DIDO1: variants seen among roughly 807,000 people sequenced by gnomAD.
DIDO1 encodes death inducer-obliterator 1.
Under a neutral mutation model 99.4 loss-of-function variants are expected in DIDO1, and 16 were observed. That is an observed-to-expected ratio of 0.16 (90% CI 0.11 to 0.24). The LOEUF (loss-of-function observed/expected upper bound fraction) is 0.24. DIDO1 is among the 10% of genes least tolerant of loss of function. The pLI is 1.00. For synonymous variants in DIDO1, 1,366 were observed against 1,239.1 expected, an observed-to-expected ratio of 1.10 and a Z score of -2.15; for missense variants, 2,996 against 3,014.0, an observed-to-expected ratio of 0.99 and a Z score of 0.14.
At chr20:62,892,362 G>C (rs951554650) in intron 13 of DIDO1, among the ~76,000 whole-genome samples, 1 of 152,188 alleles carries the variant, frequency 6.6e-6, no homozygotes, top group Non-Finnish European at 1.5e-5. Flanking sequence ...GATTCACTAT[G>C]AGCCAGGGTG....
intron 4 of DIDO1, among the ~76,000 whole-genome samples, chr20:62,908,277 G>A (rs916725870): frequency 3.6e-4 from 55 of 152,126 alleles, no homozygotes; most frequent in Admixed American, 3.1e-3. Context: ...CACAGCACCC[G>A]GCCAGACACA....
In DIDO1 at chr20:62,883,629, A is replaced by G. The variant is rs1042315438; in HGVS notation, c.3542-1215T>C. On this transcript the variant is annotated intron_variant, in intron 15 of 15. Transcript: ENST00000395343. ...ATCATGAGGTCAAGAGATCAAGACC[A>G]TCCTGGCCAACATGGTGAAACCCCG... Among the ~76,000 whole-genome samples the G allele has an allele frequency of 1.1e-4, 16 of 152,220 alleles. 1 individual carries two copies. Among genetic ancestry groups the G allele is most frequent in the Admixed American group, 6.5e-5 (1 of 15,288 alleles).
At chr20:62,921,909 T>C (rs1207866479) in intron 1 of DIDO1, among the ~76,000 whole-genome samples, 3 of 149,520 alleles carry the variant, frequency 2.0e-5, no homozygotes, top group Admixed American at 6.7e-5. Flanking sequence ...ATATCCACAA[T>C]ATATATACAC....
At position 62,878,971 on chromosome 20, in the gene DIDO1, G is replaced by C. The variant is rs1488257039; in HGVS notation, c.*262C>G. Reference sequence around the variant, plus strand: ...TAAAGTTATTGGAAAAGATAACTATGATCTGAAAAGCAATATGCTCCGTAG... The same window carrying C: ...TAAAGTTATTGGAAAAGATAACTATCATCTGAAAAGCAATATGCTCCGTAG... On this transcript the variant is annotated 3_prime_UTR_variant, in exon 16 of 16. Transcript: ENST00000395343. The C allele has an allele frequency of 2.6e-6, 1 of 387,288 alleles. No individual in the cohort carries two copies. The highest frequency in any genetic ancestry group is 4.5e-6 in the Non-Finnish European group (1 of 220,876). The allele number at this position is 387,288 out of a possible 1,614,324, so 24.0% of individuals were successfully genotyped here.
At chr20:62,897,547 A>G (rs895551623) in intron 6 of DIDO1, among the ~76,000 whole-genome samples, 10 of 152,220 alleles carry the variant, frequency 6.6e-5, no homozygotes, top group Non-Finnish European at 1.2e-4. Context: ...CACCTGAACC[A>G]CAGGAAGAGC....
At chr20:62,904,848 G>C in intron 6 of DIDO1, 1 of 268,722 alleles carries the variant, frequency 3.7e-6, no homozygotes, top group East Asian at 1.8e-4. Flanking sequence ...GCATAGGTCT[G>C]CTTGCCTGCA....
chr20:62,911,240 G>A lies in DIDO1; in HGVS notation c.373C>T (p.Pro125Ser), dbSNP rs1475959413. 1 of 1,613,362 alleles carries A rather than the reference G, an allele frequency of 6.2e-7. No homozygotes were observed. Among genetic ancestry groups the A allele is most frequent in the African/African-American group, 1.3e-5 (1 of 75,024 alleles). Residue 125 changes from proline to serine, a missense_variant, in exon 3 of 16, where the codon CCC becomes TCC. This residue lies in a region of DIDO1 where 388 missense variants were observed against 376.6 expected (regional missense o/e 1.03). Coordinates refer to ENST00000395343, the MANE Select transcript of DIDO1 (RefSeq NM_001193369.2). The surrounding 1 kb of genome is among the most constrained non-coding windows in gnomAD (Gnocchi z 7.0). Reference protein sequence around the residue: ...VESASETRSGPQSASTAVKER... With the variant: ...VESASETRSGSQSASTAVKER... ...TTCACAGCTGTGGAAGCAGACTGGG[G>A]GCCGCTTCTGGTCTCAGAAGCGCTT... is the stretch of plus-strand genomic sequence containing the variant.
In DIDO1 at chr20:62,882,204, G is replaced by T. The variant is rs766896594; in HGVS notation, c.3752C>A (p.Ala1251Glu). The part of the protein sequence containing the change: ...PSKYPLCSAD[A>E]AVSTTPPGSP... ...CCCAGGAGGTGTGGTGCTGACAGCC[G>T]CGTCTGCAGAGCAGAGTGGATACTT... Residue 1251 changes from alanine to glutamate, a missense_variant, in exon 16 of 16, where the codon GCG (alanine) becomes GAG (glutamate). Physicochemically the swap from Ala to Glu is moderately radical, Grantham distance 107. Around this residue, in one of 5 missense-constraint regions of DIDO1, gnomAD observed 1,562 missense variants for 1,412.6 expected, o/e 1.11. Transcript: ENST00000395343. The T allele has an allele frequency of 2.0e-5, 33 of 1,613,528 alleles. No individual in the cohort carries two copies. The African/African-American group carries it at 4.1e-4, about 20-fold the overall frequency.
chr20:62,926,039 T>C lies in DIDO1; in HGVS notation c.-200+400A>G, dbSNP rs1744976942. Among the ~76,000 whole-genome samples, 4 of 151,422 alleles carry C rather than the reference T, an allele frequency of 2.6e-5. No individual in the cohort carries two copies. The South Asian group carries it at 8.3e-4, about 32-fold the overall frequency. ...AATGCCTAGGGAAACCAGCTGCGCT[T>C]ACAAGCCAGCTACGCAGCCCCCGAG... On this transcript the variant is annotated intron_variant, in intron 1 of 15. Coordinates refer to ENST00000395343, the MANE Select transcript of DIDO1 (RefSeq NM_001193369.2).
intron 1 of DIDO1, among the ~76,000 whole-genome samples, chr20:62,919,936 T>A (rs915626323): frequency 6.6e-6 from 1 of 152,214 alleles, no homozygotes; most frequent in African/African-American, 2.4e-5. Flanking sequence ...GAAGTGAGGT[T>A]TATTGTTCTC....
intron 6 of DIDO1, 31 bp from the exon 7 acceptor site, chr20:62,897,027 G>C (rs767789424): frequency 6.3e-6 from 10 of 1,578,308 alleles, no homozygotes; most frequent in Non-Finnish European, 7.7e-6. Context: ...GCTGAGTAAG[G>C]GAGGACACCA....
intron 3 of DIDO1, among the ~76,000 whole-genome samples, chr20:62,910,395 C>CT: frequency 6.6e-6 from 1 of 152,376 alleles, no homozygotes; most frequent in Admixed American, 6.5e-5. Context: ...CACTTGCGGT[C>CT]TGCACATGCC....
chr20:62,888,926 A>G (rs2064344944), intron 15 of DIDO1: 1 of 985,354 alleles, frequency 1.0e-6, no homozygotes, highest in East Asian at 1.1e-4. Context: ...AAGTGTATGG[A>G]AAGGTTTCAC....
intron 15 of DIDO1, among the ~76,000 whole-genome samples, chr20:62,883,292 A>G (rs1414836014): frequency 3.3e-5 from 5 of 152,238 alleles, no homozygotes; most frequent in African/African-American, 4.8e-5. Context: ...TAAATTATCA[A>G]TAAAGTCATA....
chr20:62,934,286 C>G (rs2065360694), intron 1 of DIDO1, among the ~76,000 whole-genome samples: 1 of 152,192 alleles, frequency 6.6e-6, no homozygotes, highest in African/African-American at 2.4e-5. Flanking sequence ...AGACTTCATG[C>G]ACACCTGGCT....
chr20:62,935,920 A>G (rs2065378393), intron 1 of DIDO1, among the ~76,000 whole-genome samples: 2 of 152,240 alleles, frequency 1.3e-5, no homozygotes, highest in Admixed American at 1.3e-4. Context: ...AACAACACAA[A>G]GGAGCCAGTT....
intron 1 of DIDO1, among the ~76,000 whole-genome samples, chr20:62,923,540 T>A (rs1167588611): frequency 6.6e-6 from 1 of 151,906 alleles, no homozygotes; most frequent in Non-Finnish European, 1.5e-5. Context: ...GGCACCTGAG[T>A]GAGAGCCGCA....
intron 1 of DIDO1, among the ~76,000 whole-genome samples, chr20:62,926,185 A>G (rs1039339562): frequency 4.0e-5 from 6 of 150,078 alleles, no homozygotes; most frequent in Non-Finnish European, 8.9e-5. Context: ...CCTCGACCTC[A>G]CGCAGCCCAC....
chr20:62,907,939 T>C (rs1326114739), intron 4 of DIDO1, among the ~76,000 whole-genome samples: 1 of 152,138 alleles, frequency 6.6e-6, no homozygotes, highest in Non-Finnish European at 1.5e-5. Context: ...AAACAATGAG[T>C]AATTTTTCAG....
Sources: gnomAD v4.1 joint callset for allele counts (sites outside exome capture counted in the v4.1 genomes callset) on GRCh38, gnomAD v4.1.1 for gene constraint, gnomAD v4.1.1 regional missense constraint, Gnocchi (gnomAD v3.1) non-coding constraint, MANE v1.5 for transcripts, NCBI Gene and HGNC (gene_info 2026-07-23, HGNC 2026-07-21) for gene names.